ZNRF2: variants seen among roughly 807,000 people sequenced by gnomAD.
ZNRF2 encodes the protein E3 ubiquitin-protein ligase ZNRF2.
ZNRF2 carries 16 observed loss-of-function variants against 20.4 expected under a neutral mutation model. That is an observed-to-expected ratio of 0.79 (90% CI 0.53 to 1.19). The LOEUF is 1.19. ZNRF2 is among the 50% of genes most tolerant of loss of function. ZNRF2 has a pLI of 0.00. For missense variants in ZNRF2, 363 were observed against 332.4 expected (o/e 1.09, Z -0.72); for synonymous variants, 178 against 144.9 (o/e 1.23, Z -1.64).
At chr7:30,354,016 C>T (rs1477160367) in intron 2 of ZNRF2, among the ~76,000 whole-genome samples, 1 of 151,956 alleles carries the variant, frequency 6.6e-6, no homozygotes, top group African/African-American at 2.4e-5. Flanking sequence ...CAGTTAGATG[C>T]TTCACGTTAA....
intron 2 of ZNRF2, among the ~76,000 whole-genome samples, chr7:30,330,638 A>G (rs572502653): frequency 1.2e-4 from 19 of 152,146 alleles, no homozygotes; most frequent in Non-Finnish European, 2.1e-4. Flanking sequence ...AGGTACTATT[A>G]TAAGTTATAA....
chr7:30,328,086 G>A (rs994978500), intron 2 of ZNRF2, among the ~76,000 whole-genome samples: 9 of 152,100 alleles, frequency 5.9e-5, no homozygotes, highest in Non-Finnish European at 7.4e-5. Flanking sequence ...GGTTAATAAT[G>A]TACTTTCCTA....
At chr7:30,323,532 A>G (rs1014596325) in intron 1 of ZNRF2, 110 bp from the exon 2 acceptor site, 3 of 646,194 alleles carry the variant, frequency 4.6e-6, no homozygotes, top group Admixed American at 3.2e-5. Context: ...AGTGTAATGC[A>G]GTAAGTGTAA....
chr7:30,323,369 C>A (rs1269233227), intron 1 of ZNRF2, among the ~76,000 whole-genome samples: 1 of 152,122 alleles, frequency 6.6e-6, no homozygotes, highest in Non-Finnish European at 1.5e-5. Flanking sequence ...AATACCTGGA[C>A]CAGTACATCA....
At position 30,333,279 on chromosome 7, in the gene ZNRF2, C is replaced by T. The variant is rs538509680; in HGVS notation, c.565+9542C>T. The stretch of plus-strand genomic sequence containing the variant: ...ATGTTGGCCAGGCTGGTCTCGAACT[C>T]CTGACCTCAGGTGATCCGCCCACCA... On this transcript the variant is annotated intron_variant, in intron 2 of 4. Transcript: ENST00000323037. 2.6e-5 allele frequency among the ~76,000 whole-genome samples: 4 copies of T among 151,906 alleles called. No individual in the cohort carries two copies. In the East Asian group the frequency reaches 7.7e-4, roughly 29 times the overall value.
intron 1 of ZNRF2, among the ~76,000 whole-genome samples, chr7:30,320,576 T>C (rs1799453505): frequency 6.6e-6 from 1 of 152,332 alleles, no homozygotes; most frequent in East Asian, 1.9e-4. Flanking sequence ...ATATTCATAA[T>C]GAAACTCGGT....
intron 2 of ZNRF2, among the ~76,000 whole-genome samples, chr7:30,340,948 T>G (rs187457522): frequency 6.6e-6 from 1 of 152,306 alleles, no homozygotes; most frequent in African/African-American, 2.4e-5. Context: ...GGGATTCTGC[T>G]TCTTCCTGGT....
intron 4 of ZNRF2, among the ~76,000 whole-genome samples, chr7:30,363,777 A>T (rs2127958628): frequency 6.6e-6 from 1 of 151,838 alleles, no homozygotes. Flanking sequence ...TTCACATTTC[A>T]CAAGTGCATT....
At chr7:30,333,736 T>C (rs778056821) in intron 2 of ZNRF2, among the ~76,000 whole-genome samples, 14 of 152,224 alleles carry the variant, frequency 9.2e-5, no homozygotes, top group Non-Finnish European at 1.8e-4. Context: ...GGTTTTGATT[T>C]GGATTTATCT....
intron 1 of ZNRF2, among the ~76,000 whole-genome samples, chr7:30,321,507 C>A (rs1341954480): frequency 2.0e-5 from 3 of 151,808 alleles, no homozygotes; most frequent in Admixed American, 6.6e-5. Context: ...GAGAGAGAAA[C>A]ATGTGTTTAA....
At chr7:30,350,984 T>A (rs577078410) in intron 2 of ZNRF2, among the ~76,000 whole-genome samples, 1 of 151,882 alleles carries the variant, frequency 6.6e-6, no homozygotes, top group African/African-American at 2.4e-5. Flanking sequence ...AAATTCAGTC[T>A]TATTTGTTGG....
intron 2 of ZNRF2, among the ~76,000 whole-genome samples, chr7:30,342,948 G>A (rs1410541763): frequency 1.3e-5 from 2 of 151,998 alleles, no homozygotes; most frequent in East Asian, 1.9e-4. Flanking sequence ...GTGATCAGAG[G>A]ATGTTGTCTG....
intron 2 of ZNRF2, among the ~76,000 whole-genome samples, chr7:30,325,104 C>A (rs557891992): frequency 3.3e-5 from 5 of 151,992 alleles, no homozygotes; most frequent in Non-Finnish European, 7.4e-5. Context: ...TTAAATGTAG[C>A]CTTGGCATAC....
rs1202060227 is a variant in ZNRF2 at position 30,329,139 on chromosome 7, G to GT, written c.565+5409dup. Among the ~76,000 whole-genome samples the GT allele has an allele frequency of 9.2e-5, 14 of 152,116 alleles. No homozygotes were observed. The East Asian group carries it at 1.9e-3, about 21-fold the overall frequency. ...ATTAAATATTATTAGCAAATTCTTA[G>GT]TTTTTTTAAAAAATTTTATTATGTG... On this transcript the variant is annotated intron_variant, in intron 2 of 4. Coordinates refer to ENST00000323037, the MANE Select transcript of ZNRF2 (RefSeq NM_147128.4).
At chr7:30,321,132 T>G (rs541839194) in intron 1 of ZNRF2, among the ~76,000 whole-genome samples, 105 of 152,294 alleles carry the variant, frequency 6.9e-4, no homozygotes, top group African/African-American at 2.5e-3. Context: ...TTGTTGTTGT[T>G]GTTTTCCCCA....
rs118102056 is a variant in ZNRF2 at position 30,317,341 on chromosome 7, T to C, written c.470-6301T>C. ...TACACAGAAGTAGTATTACACATGA[T>C]ATGTCAAATGAGTGTTATCAGTAAA... On this transcript the variant is annotated intron_variant, in intron 1 of 4. Transcript: ENST00000323037. Among the ~76,000 whole-genome samples, 53 of 152,342 alleles carry C rather than the reference T, an allele frequency of 3.5e-4. 1 individual carries two copies. In the East Asian group the frequency reaches 6.5e-3, roughly 19 times the overall value.
chr7:30,290,806 C>T (rs1392933954), intron 1 of ZNRF2, among the ~76,000 whole-genome samples: 7 of 152,154 alleles, frequency 4.6e-5, no homozygotes, highest in African/African-American at 7.2e-5. Flanking sequence ...TTTTAATTTA[C>T]TTTTAAAAAG....
intron 2 of ZNRF2, among the ~76,000 whole-genome samples, chr7:30,338,216 T>G (rs1281671145): frequency 1.3e-5 from 2 of 152,164 alleles, no homozygotes; most frequent in Non-Finnish European, 2.9e-5. Context: ...AATCAGGGAT[T>G]ATGTACATTT....
intron 3 of ZNRF2, among the ~76,000 whole-genome samples, chr7:30,361,372 C>G (rs969224073): frequency 2.6e-5 from 4 of 152,198 alleles, no homozygotes; most frequent in African/African-American, 9.7e-5. Context: ...TTCATCTTAT[C>G]ACTTTTACCT....
Sources: allele counts gnomAD v4.1 joint callset (sites outside exome capture counted in the v4.1 genomes callset), GRCh38; gene constraint gnomAD v4.1.1; transcripts MANE v1.5; gene names NCBI Gene and HGNC (gene_info 2026-07-23, HGNC 2026-07-21).